Variants in CCDC170 observed in about 807,000 individuals in gnomAD.
CCDC170 encodes coiled-coil domain-containing protein 170.
Under a neutral mutation model 72.6 loss-of-function variants are expected in CCDC170, and 69 were observed. The observed-to-expected ratio is 0.95, with a 90% confidence interval of 0.78 to 1.16. The LOEUF is 1.16. CCDC170 is among the 50% of genes most tolerant of loss of function. The pLI, the probability that CCDC170 is intolerant of heterozygous loss-of-function variation, is 0.00. For synonymous variants in CCDC170, 300 were observed against 303.9 expected, an observed-to-expected ratio of 0.99 and a Z score of 0.13; for missense variants, 852 against 832.5, an observed-to-expected ratio of 1.02 and a Z score of -0.29.
In CCDC170 at chr6:151,618,182, A is replaced by T; in HGVS notation, c.*35A>T. The T allele has an allele frequency of 5.9e-6, 9 of 1,536,122 alleles. No homozygotes were observed. The highest frequency in any genetic ancestry group is 1.1e-5 in the South Asian group (1 of 87,284). On this transcript the variant is annotated 3_prime_UTR_variant, in exon 11 of 11. Coordinates refer to ENST00000239374, the MANE Select transcript of CCDC170 (RefSeq NM_025059.4). ...CTCTTGAGAGAGGTGGCCATAAGAC[A>T]TGGCACACAATTCCCAATTTCACAA... is the stretch of plus-strand genomic sequence containing the variant.
At chr6:151,563,832 G>A (rs570972221) in intron 5 of CCDC170, among the ~76,000 whole-genome samples, 1 of 152,260 alleles carries the variant, frequency 6.6e-6, no homozygotes, top group African/African-American at 2.4e-5. Flanking sequence ...CCTTTCTGTG[G>A]GGCTCTGAGC....
chr6:151,573,584 G>A, intron 6 of CCDC170, 93 bp downstream of exon 6: 1 of 1,176,536 alleles, frequency 8.5e-7, no homozygotes, highest in East Asian at 2.4e-5. Context: ...TTCTCACGCT[G>A]CTATAAGAAA....
intron 9 of CCDC170, among the ~76,000 whole-genome samples, chr6:151,606,061 C>T (rs1776778426): frequency 6.6e-6 from 1 of 151,972 alleles, no homozygotes; most frequent in African/African-American, 2.4e-5. Context: ...GCCATTACGC[C>T]TGGCTAACTT....
intron 9 of CCDC170, among the ~76,000 whole-genome samples, chr6:151,606,146 C>T (rs1383738433): frequency 6.6e-6 from 1 of 152,198 alleles, no homozygotes; most frequent in Admixed American, 6.5e-5. Flanking sequence ...AGGTGATCCA[C>T]CCACCTGTGC....
chr6:151,501,679 C>G lies in CCDC170; in HGVS notation c.57+7494C>G, dbSNP rs1298972964. ...AGGGGAGAGCTTTTTGAATGCCAAA[C>G]TTTTTCTTTGCATATTTTAAAGAGA... On this transcript the variant is annotated intron_variant, in intron 1 of 10. Transcript: ENST00000239374. Among the ~76,000 whole-genome samples, 19 of 152,110 alleles carry G rather than the reference C, an allele frequency of 1.2e-4. 1 individual carries two copies. Among genetic ancestry groups the G allele is most frequent in the Admixed American group, 1.2e-3 (19 of 15,274 alleles).
In CCDC170 at chr6:151,615,510, T is replaced by G. The variant is rs529768633; in HGVS notation, c.1778T>G (p.Met593Arg). Reference sequence around the variant, plus strand: ...AAATCCAGAGACCAACTGGAGAAGATGAAGGAGAAAGCTGAGAAAAAGCTC... The same window carrying G: ...AAATCCAGAGACCAACTGGAGAAGAGGAAGGAGAAAGCTGAGAAAAAGCTC... ...LNKSRDQLEK[M>R]KEKAEKKLMS... Residue 593 changes from methionine to arginine, a missense_variant, in exon 10 of 11, where the codon ATG becomes AGG. Physicochemically the swap from Met to Arg is moderately conservative, Grantham distance 91. Coordinates refer to ENST00000239374, the MANE Select transcript of CCDC170 (RefSeq NM_025059.4). 2 of 1,613,928 alleles carry G rather than the reference T, an allele frequency of 1.2e-6. No homozygotes were observed. The highest frequency in any genetic ancestry group is 2.2e-5 in the South Asian group (2 of 91,080).
chr6:151,590,203 T>A (rs1368370160), intron 7 of CCDC170, among the ~76,000 whole-genome samples: 1 of 152,206 alleles, frequency 6.6e-6, no homozygotes, highest in Non-Finnish European at 1.5e-5. Context: ...GGATTGTTTT[T>A]AAATTTTTTC....
intron 1 of CCDC170, among the ~76,000 whole-genome samples, chr6:151,523,436 C>T (rs1782353213): frequency 1.3e-5 from 2 of 152,076 alleles, no homozygotes; most frequent in African/African-American, 4.8e-5. Context: ...CCTGTAATCC[C>T]AGCATTTGGG....
At chr6:151,498,879 T>G (rs1481607880) in intron 1 of CCDC170, among the ~76,000 whole-genome samples, 1 of 146,010 alleles carries the variant, frequency 6.8e-6, no homozygotes, top group Non-Finnish European at 1.5e-5. Flanking sequence ...ATACTGTATT[T>G]GACTATTCTA....
intron 1 of CCDC170, among the ~76,000 whole-genome samples, chr6:151,527,764 C>A (rs9479056): frequency 0.46 from 69,635 of 151,686 alleles, 18,485 homozygotes; most frequent in Non-Finnish European, 0.6. Flanking sequence ...GAAGAGCCTG[C>A]GGTAATACAA....
chr6:151,583,468 T>A lies in CCDC170; in HGVS notation c.1093-2421T>A, dbSNP rs567488209. 7.9e-5 allele frequency among the ~76,000 whole-genome samples: 12 copies of A among 152,160 alleles called. No individual in the cohort carries two copies. The South Asian group carries it at 2.5e-3, about 32-fold the overall frequency. On this transcript the variant is annotated intron_variant, in intron 6 of 10. Transcript: ENST00000239374. ...AGAGAAGTGCGACTCTTCGCTTTTT[T>A]TTATTTGAGATGGAAGTCTCATTCT...
chr6:151,536,181 C>A, intron 1 of CCDC170, 137 bp from the exon 2 acceptor site: 1 of 1,004,656 alleles, frequency 1.0e-6, no homozygotes, highest in Non-Finnish European at 1.5e-6. Flanking sequence ...CTGAACATAA[C>A]ACTTCTCTGC....
intron 3 of CCDC170, among the ~76,000 whole-genome samples, chr6:151,540,328 TCTTC>T (rs1192846817): frequency 7.0e-6 from 1 of 141,862 alleles, no homozygotes; most frequent in African/African-American, 2.5e-5. Flanking sequence ...CTCCTCCTCC[TCTTC>T]CTTCCTCTTC....
rs746060049 is a variant in CCDC170 at position 151,494,165 on chromosome 6, G to A, written c.37G>A (p.Ala13Thr). 2.0e-6 allele frequency: 3 copies of A among 1,523,364 alleles called. No individual in the cohort carries two copies. Among genetic ancestry groups the A allele is most frequent in the Non-Finnish European group, 2.6e-6 (3 of 1,139,902 alleles). 94.4% of individuals were successfully genotyped at this position (1,523,364 alleles called of 1,614,324 possible). A position where few individuals can be genotyped will look rare whatever the true frequency, so the allele number is the denominator to read the frequency against. The change falls in exon 1 of 11, where the codon GCC becomes ACC. Residue 13 changes from alanine to threonine, a missense_variant. Physicochemically the swap from Ala to Thr is moderately conservative, Grantham distance 58 (BLOSUM62 0). Coordinates refer to ENST00000239374, the MANE Select transcript of CCDC170 (RefSeq NM_025059.4). ...CTGCACCAGCCATATCGCGCTGGGT[G>A]CCGCTTCGCCAGCGCCCGAGGTACG... ...LDCTSHIALGAASPAPEETYD... is the reference protein window; with the variant it reads ...LDCTSHIALGTASPAPEETYD...
intron 5 of CCDC170, among the ~76,000 whole-genome samples, chr6:151,564,579 G>C (rs949689102): frequency 3.3e-5 from 5 of 152,344 alleles, no homozygotes; most frequent in South Asian, 2.1e-4. Flanking sequence ...CTCTCAAGCT[G>C]TCTGTGCTGG....
intron 7 of CCDC170, among the ~76,000 whole-genome samples, chr6:151,592,519 AAG>A (rs1339242726): frequency 5.9e-5 from 9 of 152,150 alleles, no homozygotes; most frequent in South Asian, 4.2e-4. Flanking sequence ...GTGGCAGGCA[AAG>A]AGAGAGAACG....
intron 6 of CCDC170, among the ~76,000 whole-genome samples, chr6:151,574,664 T>A (rs986142453): frequency 6.6e-6 from 1 of 152,324 alleles, no homozygotes; most frequent in Middle Eastern, 3.4e-3. Flanking sequence ...CTTGTCATTT[T>A]GGGTCAGGAT....
intron 9 of CCDC170, among the ~76,000 whole-genome samples, chr6:151,598,366 T>C (rs2115122371): frequency 6.6e-6 from 1 of 152,176 alleles, no homozygotes; most frequent in African/African-American, 2.4e-5. Flanking sequence ...CCATTTTCAC[T>C]AGTGAGGGAT....
chr6:151,560,999 T>C (rs991597491), intron 5 of CCDC170, among the ~76,000 whole-genome samples: 3 of 152,126 alleles, frequency 2.0e-5, no homozygotes, highest in Non-Finnish European at 4.4e-5. Context: ...TCTGTCATAG[T>C]GTTGTTAACT....
Sources: allele counts gnomAD v4.1 joint callset (sites outside exome capture counted in the v4.1 genomes callset), GRCh38; gene constraint gnomAD v4.1.1; transcripts MANE v1.5; gene names NCBI Gene and HGNC (gene_info 2026-07-23, HGNC 2026-07-21).